Variants in B3GALT1 observed in about 807,000 individuals in gnomAD.
B3GALT1 encodes UDP-Gal:betaGlcNAc beta 1,3-galactosyltransferase, polypeptide 1.
A neutral mutation model predicts 23.2 loss-of-function variants in B3GALT1; 10 were observed. That is an observed-to-expected ratio of 0.43 (90% CI 0.27 to 0.73). The LOEUF (loss-of-function observed/expected upper bound fraction) is 0.73. Among genes scored for constraint, B3GALT1 ranks in the 30% least tolerant of loss-of-function variants. The pLI, the probability that B3GALT1 is intolerant of heterozygous loss-of-function variation, is 0.21. For missense variants in B3GALT1, 299 were observed against 405.4 expected, an observed-to-expected ratio of 0.74 and a Z score of 2.25; for synonymous variants, 156 against 141.5, an observed-to-expected ratio of 1.10 and a Z score of -0.73.
intron 1 of B3GALT1, among the ~76,000 whole-genome samples, chr2:167,304,632 A>G (rs1477707337): frequency 1.3e-5 from 2 of 151,708 alleles, no homozygotes; most frequent in Non-Finnish European, 1.5e-5. Flanking sequence ...TACAGAGAAA[A>G]AGAGAGACAG....
intron 3 of B3GALT1, among the ~76,000 whole-genome samples, chr2:167,791,069 A>G (rs911908839): frequency 4.6e-5 from 7 of 152,132 alleles, no homozygotes; most frequent in African/African-American, 1.7e-4. Flanking sequence ...TATCCACCAA[A>G]CACTTACACA....
At chr2:167,722,724 G>A (rs565906093) in intron 3 of B3GALT1, among the ~76,000 whole-genome samples, 18 of 152,292 alleles carry the variant, frequency 1.2e-4, no homozygotes, top group East Asian at 7.7e-4. Flanking sequence ...GGAATCATAT[G>A]CTTTAGGAAA....
chr2:167,706,422 A>G (rs1347837575), intron 3 of B3GALT1, among the ~76,000 whole-genome samples: 2 of 152,218 alleles, frequency 1.3e-5, no homozygotes, highest in African/African-American at 4.8e-5. Flanking sequence ...CTCTACTTGC[A>G]TAAGACACTG....
intron 1 of B3GALT1, among the ~76,000 whole-genome samples, chr2:167,436,671 C>G (rs575816126): frequency 6.6e-6 from 1 of 152,200 alleles, no homozygotes; most frequent in Non-Finnish European, 1.5e-5. Flanking sequence ...CCACTTTCAT[C>G]TCTTACTTTG....
chr2:167,503,900 A>G (rs1439261872), intron 2 of B3GALT1, among the ~76,000 whole-genome samples: 3 of 152,014 alleles, frequency 2.0e-5, no homozygotes, highest in Admixed American at 2.0e-4. Flanking sequence ...TACACACTAG[A>G]CCCATATATT....
intron 1 of B3GALT1, among the ~76,000 whole-genome samples, chr2:167,365,113 C>A (rs976629927): frequency 1.3e-5 from 2 of 152,114 alleles, no homozygotes; most frequent in Non-Finnish European, 2.9e-5. Context: ...GACTCCAGAA[C>A]AGTTTGGGAA....
intron 2 of B3GALT1, among the ~76,000 whole-genome samples, chr2:167,630,014 A>G (rs1574177944): frequency 2.6e-5 from 4 of 152,008 alleles, no homozygotes; most frequent in East Asian, 1.9e-4. Context: ...AGACAAAACT[A>G]TATGTGACAT....
At chr2:167,774,791 C>T (rs1025762850) in intron 3 of B3GALT1, among the ~76,000 whole-genome samples, 5 of 151,998 alleles carry the variant, frequency 3.3e-5, no homozygotes, top group Non-Finnish European at 7.4e-5. Context: ...CCACCACGCC[C>T]GGCCTCTATG....
chr2:167,495,848 C>T (rs59174111), intron 2 of B3GALT1, among the ~76,000 whole-genome samples: 2,336 of 152,204 alleles, frequency 0.015, 62 homozygotes, highest in African/African-American at 0.053. Flanking sequence ...TGAGGAAAGG[C>T]ACCTCAGAAT....
intron 1 of B3GALT1, among the ~76,000 whole-genome samples, chr2:167,371,213 C>A (rs1697679625): frequency 6.6e-6 from 1 of 151,820 alleles, no homozygotes; most frequent in Admixed American, 6.6e-5. Flanking sequence ...TCACTGCTAT[C>A]CCCAATGCCT....
chr2:167,771,255 T>A (rs1008590230), intron 3 of B3GALT1, among the ~76,000 whole-genome samples: 4 of 152,190 alleles, frequency 2.6e-5, no homozygotes, highest in African/African-American at 4.8e-5. Flanking sequence ...ATTTTCTCCC[T>A]TTTTTCTCTT....
intron 4 of B3GALT1, among the ~76,000 whole-genome samples, chr2:167,843,869 C>T (rs1689702487): frequency 6.6e-6 from 1 of 152,158 alleles, no homozygotes; most frequent in Admixed American, 6.5e-5. Context: ...CTCCAGACAG[C>T]AGATCATTGT....
chr2:167,385,612 C>G (rs971300315), intron 1 of B3GALT1, among the ~76,000 whole-genome samples: 12 of 152,142 alleles, frequency 7.9e-5, no homozygotes, highest in Non-Finnish European at 1.8e-4. Context: ...ACTTGCTGAT[C>G]AGGCAGCTGA....
chr2:167,589,471 T>G (rs984465474), intron 2 of B3GALT1, among the ~76,000 whole-genome samples: 2 of 152,162 alleles, frequency 1.3e-5, no homozygotes, highest in Non-Finnish European at 2.9e-5. Context: ...CTGGCTAAAA[T>G]GTACATTCTT....
chr2:167,813,178 G>A (rs538383796), intron 3 of B3GALT1, among the ~76,000 whole-genome samples: 2 of 152,270 alleles, frequency 1.3e-5, no homozygotes, highest in African/African-American at 2.4e-5. Flanking sequence ...TATAACAGGA[G>A]AGGAAATAAG....
At chr2:167,793,662 T>C (rs1405431050) in intron 3 of B3GALT1, among the ~76,000 whole-genome samples, 1 of 152,172 alleles carries the variant, frequency 6.6e-6, no homozygotes, top group Non-Finnish European at 1.5e-5. Flanking sequence ...ATGATCAATA[T>C]TTTGGAGACT....
chr2:167,815,231 C>A (rs1005280121), intron 3 of B3GALT1: 1 of 152,154 alleles, frequency 6.6e-6, no homozygotes, highest in Non-Finnish European at 1.5e-5. Flanking sequence ...AGCGACCCCA[C>A]CTATAGTGAA....
chr2:167,335,452 A>G (rs909118194), intron 1 of B3GALT1, among the ~76,000 whole-genome samples: 1 of 152,158 alleles, frequency 6.6e-6, no homozygotes, highest in African/African-American at 2.4e-5. Flanking sequence ...AATAATGGCT[A>G]CTCCATAGGC....
intron 2 of B3GALT1, among the ~76,000 whole-genome samples, chr2:167,494,738 G>T (rs138540530): frequency 1.5e-3 from 234 of 152,230 alleles, no homozygotes; most frequent in African/African-American, 5.2e-3. Flanking sequence ...AAGTTGAAAG[G>T]TGTTTTGAGA....
Sources: gnomAD v4.1 joint callset for allele counts (sites outside exome capture counted in the v4.1 genomes callset) on GRCh38, gnomAD v4.1.1 for gene constraint, MANE v1.5 for transcripts, NCBI Gene and HGNC (gene_info 2026-07-23, HGNC 2026-07-21) for gene names.